TBC1D16: variants seen among roughly 807,000 people sequenced by gnomAD.
TBC1D16 encodes TBC1 domain family member 16, also known as CTD-2529O21.1.
In TBC1D16, 58 loss-of-function variants were observed where a neutral mutation model predicts 74.7. The ratio of observed to expected loss-of-function variants is 0.78; its 90% CI spans 0.63 to 0.97. The LOEUF (loss-of-function observed/expected upper bound fraction) is 0.97. TBC1D16 is among the 50% of genes least tolerant of loss of function. The pLI is 0.00. For synonymous variants in TBC1D16, 493 were observed against 474.7 expected (o/e 1.04, Z -0.50); for missense variants, 1,014 against 1,079.5 (o/e 0.94, Z 0.85).
chr17:80,030,971 G>C (rs1486892299), intron 1 of TBC1D16, among the ~76,000 whole-genome samples: 1 of 152,204 alleles, frequency 6.6e-6, no homozygotes, highest in Non-Finnish European at 1.5e-5. Context: ...TATTAAACAC[G>C]AGCCAGACAC....
chr17:79,970,321 T>C (rs972775776), intron 3 of TBC1D16, among the ~76,000 whole-genome samples: 17 of 152,024 alleles, frequency 1.1e-4, no homozygotes, highest in African/African-American at 3.9e-4. Flanking sequence ...AGGTTTCTTT[T>C]TGGGGGGATG....
chr17:79,978,094 TG>T (rs1568605655), intron 3 of TBC1D16, among the ~76,000 whole-genome samples: 1 of 152,008 alleles, frequency 6.6e-6, no homozygotes, highest in African/African-American at 2.4e-5. Flanking sequence ...ACCTGCCCCA[TG>T]GTCACGGTCG....
At chr17:80,006,214 T>TTCTCTCTTTCTTTCTCTCTCTCTC (rs2035673169) in intron 3 of TBC1D16, among the ~76,000 whole-genome samples, 1 of 147,616 alleles carries the variant, frequency 6.8e-6, no homozygotes, top group Non-Finnish European at 1.5e-5. Flanking sequence ...CTCGCTCTCT[T>TTCTCTCTTTCTTTCTCTCTCTCTC]TCTCTCTTTC....
At chr17:80,023,665 C>CT (rs1484257196) in intron 1 of TBC1D16, among the ~76,000 whole-genome samples, 1 of 142,754 alleles carries the variant, frequency 7.0e-6, no homozygotes, top group Admixed American at 6.8e-5. Flanking sequence ...GGGCCCCCCC[C>CT]CACCGGCTCA....
rs974477406 is a variant in TBC1D16 at position 79,954,221 on chromosome 17, T to C, written c.780-1403A>G. Among the ~76,000 whole-genome samples, 5 of 152,044 alleles carry C rather than the reference T, an allele frequency of 3.3e-5. No individual in the cohort carries two copies. The highest frequency in any genetic ancestry group is 4.8e-5 in the African/African-American group (2 of 41,384). On this transcript the variant is annotated intron_variant, in intron 3 of 11. Coordinates refer to ENST00000310924, the MANE Select transcript of TBC1D16 (RefSeq NM_019020.4). This position sits in a 1 kb window ranked among gnomAD's most constrained non-coding sequence, Gnocchi z 5.5. ...CCGTTTGAGCTCAGAACATAAACTA[T>C]TAGAGGCAATCAATCCAGAGGCACT...
intron 3 of TBC1D16, among the ~76,000 whole-genome samples, chr17:79,998,174 A>G (rs1281632556): frequency 6.6e-6 from 1 of 150,830 alleles, no homozygotes; most frequent in Non-Finnish European, 1.5e-5. Context: ...GAAAAAGAAT[A>G]GTGTCGCTGC....
intron 1 of TBC1D16, among the ~76,000 whole-genome samples, chr17:80,021,535 ATTATTT>A (rs1288604918): frequency 1.3e-5 from 2 of 149,690 alleles, no homozygotes; most frequent in Non-Finnish European, 2.9e-5. Flanking sequence ...TGGAATTCTT[ATTATTT>A]TTAATACAGA....
intron 1 of TBC1D16, among the ~76,000 whole-genome samples, chr17:80,014,760 A>G (rs1170321462): frequency 6.6e-6 from 1 of 152,016 alleles, no homozygotes; most frequent in African/African-American, 2.4e-5. Flanking sequence ...AGATCCTGAA[A>G]TCAATTTAGT....
Position 80,007,168 on chromosome 17 carries a change from G to A in TBC1D16, c.779+2992C>T, listed in dbSNP as rs191048587. Among the ~76,000 whole-genome samples the A allele has an allele frequency of 1.9e-3, 295 of 152,282 alleles. No individual in the cohort carries two copies. The highest frequency in any genetic ancestry group is 6.7e-3 in the African/African-American group (279 of 41,558). On this transcript the variant is annotated intron_variant, in intron 3 of 11. Transcript: ENST00000310924. This position sits in a 1 kb window ranked among gnomAD's most constrained non-coding sequence, Gnocchi z 4.5. Reference sequence around the variant, plus strand: ...CCGGGCTGACACAGGCCTGAGGTGCGAGCCACACCGAGCCCGCGGCCATGT... The same window carrying A: ...CCGGGCTGACACAGGCCTGAGGTGCAAGCCACACCGAGCCCGCGGCCATGT...
chr17:80,006,144 C>T (rs1351289144), intron 3 of TBC1D16, among the ~76,000 whole-genome samples: 1 of 152,182 alleles, frequency 6.6e-6, no homozygotes, highest in Non-Finnish European at 1.5e-5. Context: ...CTGGGGTCCT[C>T]GGCCCTGACA....
chr17:79,945,816 C>T (rs1045262610), intron 9 of TBC1D16, among the ~76,000 whole-genome samples: 2 of 152,256 alleles, frequency 1.3e-5, no homozygotes, highest in Non-Finnish European at 2.9e-5. Context: ...AGTGAGCAGG[C>T]TTGGCTGGGT....
chr17:80,010,094 G>A lies in TBC1D16; in HGVS notation c.779+66C>T. 7 of 1,337,840 alleles carry A rather than the reference G, an allele frequency of 5.2e-6. No individual in the cohort carries two copies. The South Asian group carries it at 7.1e-5, about 14-fold the overall frequency. The allele number at this position is 1,337,840 out of a possible 1,614,324, so 82.9% of individuals were successfully genotyped here. ...CTGGCATCACAGGTGACGCAGGTGA[G>A]TGCTTCCTGCCCAGGTCAGGCCTTG... On this transcript the variant is annotated intron_variant, in intron 3 of 11. Coordinates refer to ENST00000310924, the MANE Select transcript of TBC1D16 (RefSeq NM_019020.4). This position sits in a 1 kb window ranked among gnomAD's most constrained non-coding sequence, Gnocchi z 8.8.
rs2650243 is a variant in TBC1D16, at chr17:79,935,540, A to C, written c.*5319T>G. On this transcript the variant is annotated 3_prime_UTR_variant, in exon 12 of 12. Coordinates refer to ENST00000310924, the MANE Select transcript of TBC1D16 (RefSeq NM_019020.4). ...GTCTGCAGGCTGCCCTTGGGCTGCC[A>C]CGGGGCCCTGTTTGCCCAGCACAGA... 1 of 152,306 alleles carries C rather than the reference A, an allele frequency of 6.6e-6. No homozygotes were observed. The highest frequency in any genetic ancestry group is 1.5e-5 in the Non-Finnish European group (1 of 68,120). The allele number at this position is 152,306 out of a possible 1,614,324, so 9.4% of individuals were successfully genotyped here. A position where few individuals can be genotyped will look rare whatever the true frequency, so the allele number is the denominator to read the frequency against.
chr17:79,960,237 A>C (rs1013558491), intron 3 of TBC1D16, among the ~76,000 whole-genome samples: 3 of 152,200 alleles, frequency 2.0e-5, no homozygotes, highest in Non-Finnish European at 4.4e-5. Flanking sequence ...TCTATACAGA[A>C]TATAGAAAAG....
chr17:79,950,773 T>C lies in TBC1D16; in HGVS notation c.1090-195A>G, dbSNP rs2032994382. ...GAAAATACCTTCATCTTAAAATCGG[T>C]TTCCCTCTGCGGCTCTCTCCTCCCC... On this transcript the variant is annotated intron_variant, in intron 5 of 11. Coordinates refer to ENST00000310924, the MANE Select transcript of TBC1D16 (RefSeq NM_019020.4). This position sits in a 1 kb window ranked among gnomAD's most constrained non-coding sequence, Gnocchi z 4.6. 6.5e-7 allele frequency: 1 copy of C among 1,536,054 alleles called. No homozygotes were observed. The highest frequency in any genetic ancestry group is 1.4e-5 in the African/African-American group (1 of 73,016).
Position 79,935,320 on chromosome 17 carries a change from C to T in TBC1D16, c.*5539G>A, listed in dbSNP as rs922999813. 4 of 152,294 alleles carry T rather than the reference C, an allele frequency of 2.6e-5. No homozygotes were observed. Among genetic ancestry groups the T allele is most frequent in the African/African-American group, 4.8e-5 (2 of 41,462 alleles). 9.4% of individuals were successfully genotyped at this position (152,294 alleles called of 1,614,324 possible). ...GGGGGGCCTGAGGTCCGGAGCTGCT[C>T]TTCCTCCTGGCAGCCCAGCCTGCAG... On this transcript the variant is annotated 3_prime_UTR_variant, in exon 12 of 12. Coordinates refer to ENST00000310924, the MANE Select transcript of TBC1D16 (RefSeq NM_019020.4).
At position 79,938,731 on chromosome 17, in the gene TBC1D16, C is replaced by G. The variant is rs1291439094; in HGVS notation, c.*2128G>C. 1.3e-5 allele frequency: 2 copies of G among 152,326 alleles called. No homozygotes were observed. The highest frequency in any genetic ancestry group is 4.8e-5 in the African/African-American group (2 of 41,462). The allele number at this position is 152,326 out of a possible 1,614,324, so 9.4% of individuals were successfully genotyped here. On this transcript the variant is annotated 3_prime_UTR_variant, in exon 12 of 12. Transcript: ENST00000310924. ...TAAAGTGGCAGGCCTGTCCCCCACC[C>G]CTTAATGCTGAGCCCAGCCACGTGA...
At position 80,010,665 on chromosome 17, in the gene TBC1D16, C is replaced by T. The variant is rs200995433; in HGVS notation, c.274G>A (p.Glu92Lys). The change falls in exon 3 of 12, where the codon GAG becomes AAG. Residue 92 changes from glutamate to lysine, a missense_variant. Transcript: ENST00000310924. This position sits in a 1 kb window ranked among gnomAD's most constrained non-coding sequence, Gnocchi z 8.8. ...VPNSRIQRQD[E>K]EALRYITPES... The stretch of plus-strand genomic sequence containing the variant: ...GGTGTGATGTAGCGCAGGGCCTCCT[C>T]GTCCTGCCTCTGGATGCGAGAGTTG... 1.1e-4 allele frequency: 173 copies of T among 1,535,104 alleles called. No individual in the cohort carries two copies. Among genetic ancestry groups the T allele is most frequent in the Admixed American group, 1.3e-4 (6 of 46,538 alleles).
At chr17:79,977,576 C>T (rs1483340012) in intron 3 of TBC1D16, among the ~76,000 whole-genome samples, 1 of 152,276 alleles carries the variant, frequency 6.6e-6, no homozygotes, top group East Asian at 1.9e-4. Flanking sequence ...ACCTTCCTTC[C>T]CCCACCTGTG....
Sources: gnomAD v4.1 joint callset for allele counts (sites outside exome capture counted in the v4.1 genomes callset) on GRCh38, gnomAD v4.1.1 for gene constraint, Gnocchi (gnomAD v3.1) non-coding constraint, MANE v1.5 for transcripts, NCBI Gene and HGNC (gene_info 2026-07-23, HGNC 2026-07-21) for gene names.